HSD17B2: variants seen among roughly 807,000 people sequenced by gnomAD.
HSD17B2 encodes the protein hydroxysteroid 17-beta dehydrogenase 2.
In HSD17B2, 32 loss-of-function variants were observed where a neutral mutation model predicts 26.9. That is an observed-to-expected ratio of 1.19 (90% CI 0.90 to 1.60). The LOEUF (loss-of-function observed/expected upper bound fraction) is 1.60, where lower values mean the gene tolerates loss of function less well. HSD17B2 is among the 40% of genes most tolerant of loss of function. The pLI is 0.00. For missense variants in HSD17B2, 613 were observed against 468.6 expected, an observed-to-expected ratio of 1.31 and a Z score of -2.85; for synonymous variants, 246 against 186.7, an observed-to-expected ratio of 1.32 and a Z score of -2.59.
intron 1 of HSD17B2, among the ~76,000 whole-genome samples, chr16:82,064,572 A>AG (rs1419998215): frequency 2.0e-5 from 3 of 152,182 alleles, no homozygotes; most frequent in Admixed American, 2.0e-4. Context: ...TAACCTTTTG[A>AG]GGACTGTTTT....
At chr16:82,038,624 C>G (rs986008400) in intron 1 of HSD17B2, among the ~76,000 whole-genome samples, 1 of 152,194 alleles carries the variant, frequency 6.6e-6, no homozygotes, top group African/African-American at 2.4e-5. Flanking sequence ...TCAACCACAA[C>G]ATAGTGGGAA....
chr16:82,075,139 A>C (rs976359169), intron 3 of HSD17B2, among the ~76,000 whole-genome samples: 15 of 152,150 alleles, frequency 9.9e-5, no homozygotes, highest in African/African-American at 3.6e-4. Context: ...AAATTTAAAA[A>C]TTTCTCAAAT....
At chr16:82,056,457 G>T (rs535263089) in intron 1 of HSD17B2, 48 of 152,216 alleles carry the variant, frequency 3.2e-4, no homozygotes, top group African/African-American at 1.2e-3. Context: ...ATGAACAAAA[G>T]AAGCCAGCCA....
chr16:82,044,432 C>G (rs1597119730), intron 1 of HSD17B2: 1 of 152,268 alleles, frequency 6.6e-6, no homozygotes, highest in African/African-American at 2.4e-5. Flanking sequence ...CGAAAAGTCT[C>G]AGGCCTCACC....
At chr16:82,085,942 A>T (rs766499723) in intron 3 of HSD17B2, among the ~76,000 whole-genome samples, 5 of 140,080 alleles carry the variant, frequency 3.6e-5, no homozygotes, top group Non-Finnish European at 8.1e-5. Flanking sequence ...ACACCCTAAG[A>T]TGGCTATAAT....
intron 4 of HSD17B2, chr16:82,094,599 A>C (rs1904786388): frequency 6.6e-6 from 1 of 152,218 alleles, no homozygotes; most frequent in Admixed American, 6.5e-5. Flanking sequence ...TCTCAAGGCA[A>C]GAAGCCCAAG....
intron 2 of HSD17B2, 96 bp downstream of exon 2, chr16:82,068,478 G>A: frequency 9.8e-7 from 1 of 1,015,932 alleles, no homozygotes; most frequent in Non-Finnish European, 1.5e-6. Flanking sequence ...CTCCACTCTG[G>A]GCACTGTTTG....
At chr16:82,043,063 C>G (rs1216610194) in intron 1 of HSD17B2, among the ~76,000 whole-genome samples, 1 of 152,246 alleles carries the variant, frequency 6.6e-6, no homozygotes, top group African/African-American at 2.4e-5. Context: ...AGTTGCATCT[C>G]TTGACATCAT....
At chr16:82,069,696 G>A (rs947157861) in intron 2 of HSD17B2, among the ~76,000 whole-genome samples, 7 of 152,188 alleles carry the variant, frequency 4.6e-5, no homozygotes, top group African/African-American at 1.4e-4. Flanking sequence ...CAATCCAACT[G>A]CACATTAGAA....
Position 82,071,314 on chromosome 16 carries a change from A to G in HSD17B2, c.664+187A>G, listed in dbSNP as rs1016342875. 19 of 664,094 alleles carry G rather than the reference A, an allele frequency of 2.9e-5. No individual in the cohort carries two copies. The African/African-American group carries it at 3.2e-4, about 11-fold the overall frequency. 41.1% of individuals were successfully genotyped at this position (664,094 alleles called of 1,614,324 possible). Reference sequence around the variant, plus strand: ...TCTCTTCTTTCAAATTCTTTCATGTAGAAACTCTTATCTGCCTTCTAACTC... The same window carrying G: ...TCTCTTCTTTCAAATTCTTTCATGTGGAAACTCTTATCTGCCTTCTAACTC... On this transcript the variant is annotated intron_variant, in intron 3 of 4. Coordinates refer to ENST00000199936, the MANE Select transcript of HSD17B2 (RefSeq NM_002153.3).
intron 3 of HSD17B2, among the ~76,000 whole-genome samples, chr16:82,081,524 C>T (rs185914532): frequency 7.4e-4 from 113 of 152,252 alleles, no homozygotes; most frequent in African/African-American, 2.6e-3. Context: ...CCTGGAAAAC[C>T]CGAGGTCCTA....
At chr16:82,081,823 T>C (rs113551544) in intron 3 of HSD17B2, among the ~76,000 whole-genome samples, 1 of 152,094 alleles carries the variant, frequency 6.6e-6, no homozygotes, top group Non-Finnish European at 1.5e-5. Flanking sequence ...CTATTCACAA[T>C]AGCAAAGACA....
At chr16:82,038,833 G>C (rs954820805) in intron 1 of HSD17B2, among the ~76,000 whole-genome samples, 3 of 152,300 alleles carry the variant, frequency 2.0e-5, no homozygotes, top group South Asian at 4.1e-4. Context: ...ACTTGGGCTT[G>C]ATCACCCTGG....
At position 82,089,297 on chromosome 16, in the gene HSD17B2, G is replaced by C. The variant is rs8191205; in HGVS notation, c.665-1605G>C. On this transcript the variant is annotated intron_variant, in intron 3 of 4. Coordinates refer to ENST00000199936, the MANE Select transcript of HSD17B2 (RefSeq NM_002153.3). ...ACATCCATATTGTTACATGTATCAA[G>C]TTCATTCCCTTTTATGGCTGAGTTG... Among the ~76,000 whole-genome samples the C allele has an allele frequency of 2.8e-3, 426 of 152,278 alleles. 1 individual carries two copies. The highest frequency in any genetic ancestry group is 9.9e-3 in the African/African-American group (412 of 41,560).
intron 4 of HSD17B2, 124 bp from the exon 5 acceptor site, chr16:82,097,951 A>T (rs908528293): frequency 3.2e-5 from 28 of 881,550 alleles, no homozygotes; most frequent in Middle Eastern, 3.8e-4. Context: ...AAAATAAAAA[A>T]ATAAAAAAAT....
At chr16:82,062,731 T>C (rs1332708043) in intron 1 of HSD17B2, among the ~76,000 whole-genome samples, 8 of 152,250 alleles carry the variant, frequency 5.3e-5, no homozygotes, top group African/African-American at 1.7e-4. Context: ...ATGCAATCCA[T>C]ACTTGGTGTG....
At chr16:82,048,769 A>G (rs1256496152) in intron 1 of HSD17B2, among the ~76,000 whole-genome samples, 1 of 152,214 alleles carries the variant, frequency 6.6e-6, no homozygotes, top group Non-Finnish European at 1.5e-5. Context: ...TATATAGGAA[A>G]TCTTCAATTG....
At chr16:82,064,843 A>C (rs1293458996) in intron 1 of HSD17B2, among the ~76,000 whole-genome samples, 1 of 152,192 alleles carries the variant, frequency 6.6e-6, no homozygotes, top group Non-Finnish European at 1.5e-5. Flanking sequence ...GTTACTCTTC[A>C]AGAGGACTTA....
At chr16:82,065,936 G>C (rs1439282225) in intron 1 of HSD17B2, among the ~76,000 whole-genome samples, 1 of 152,196 alleles carries the variant, frequency 6.6e-6, no homozygotes, top group Non-Finnish European at 1.5e-5. Flanking sequence ...GACCACTACT[G>C]GTATTTAGGG....
Sources: gnomAD v4.1 joint callset for allele counts (sites outside exome capture counted in the v4.1 genomes callset) on GRCh38, gnomAD v4.1.1 for gene constraint, MANE v1.5 for transcripts, NCBI Gene and HGNC (gene_info 2026-07-23, HGNC 2026-07-21) for gene names.